The following GALNT9 variants were observed in gnomAD, a reference collection of about 807,000 sequenced individuals.
The protein encoded by GALNT9 is GalNAc transferase 9.
Under a neutral mutation model 63.1 loss-of-function variants are expected in GALNT9, and 47 were observed. That is an observed-to-expected ratio of 0.75 (90% CI 0.59 to 0.95). The LOEUF is 0.95. Ranked by LOEUF, GALNT9 falls within the 40% of genes least tolerant of loss-of-function variation. The probability of loss-of-function intolerance (pLI) is 0.00; values close to 1 mark genes in which losing one functional copy is unlikely to be tolerated. For missense variants in GALNT9, 829 were observed against 874.8 expected (o/e 0.95, Z 0.66); for synonymous variants, 396 against 365.7 (o/e 1.08, Z -0.94).
chr12:132,265,116 A>G lies in GALNT9; in HGVS notation c.420-2491T>C, dbSNP rs1363658999. Among the ~76,000 whole-genome samples, 2 of 152,216 alleles carry G rather than the reference A, an allele frequency of 1.3e-5. No individual in the cohort carries two copies. The highest frequency in any genetic ancestry group is 2.9e-5 in the Non-Finnish European group (2 of 68,030). On this transcript the variant is annotated intron_variant, in intron 2 of 10. Coordinates refer to ENST00000328957, the MANE Select transcript of GALNT9 (RefSeq NM_001122636.2). The surrounding 1 kb of genome is among the most constrained non-coding windows in gnomAD (Gnocchi z 5.3). The stretch of plus-strand genomic sequence containing the variant: ...CTCTTCCAAATCTCGCTTTTCTGCA[A>G]GGCTCAACCCAGCCCCAAGAAAAAG...
At chr12:132,295,675 A>G (rs1335323117) in intron 1 of GALNT9, among the ~76,000 whole-genome samples, 1 of 152,244 alleles carries the variant, frequency 6.6e-6, no homozygotes, top group Admixed American at 6.5e-5. Flanking sequence ...CCTGGAGACT[A>G]TGGAGGGAGC....
At chr12:132,293,286 G>A (rs539244814) in intron 1 of GALNT9, among the ~76,000 whole-genome samples, 2 of 152,348 alleles carry the variant, frequency 1.3e-5, no homozygotes, top group African/African-American at 2.4e-5. Flanking sequence ...TAGAGACACC[G>A]TGGATGCTGA....
chr12:132,215,786 G>A (rs1485642560), intron 6 of GALNT9, among the ~76,000 whole-genome samples: 2 of 152,188 alleles, frequency 1.3e-5, no homozygotes, highest in East Asian at 3.9e-4. Flanking sequence ...ATGGCCACAT[G>A]GGACCCAGCA....
At chr12:132,290,489 CAGG>C (rs1190179168) in intron 1 of GALNT9, among the ~76,000 whole-genome samples, 3 of 152,148 alleles carry the variant, frequency 2.0e-5, no homozygotes, top group Non-Finnish European at 4.4e-5. Flanking sequence ...ATAGACAGCA[CAGG>C]AGGAGGAAGC....
At chr12:132,222,251 C>T (rs972712355) in intron 6 of GALNT9, among the ~76,000 whole-genome samples, 1 of 152,126 alleles carries the variant, frequency 6.6e-6, no homozygotes, top group Non-Finnish European at 1.5e-5. Context: ...ACAGGCTTCC[C>T]TAAGAACGAC....
At chr12:132,270,644 C>A (rs994717598) in intron 2 of GALNT9, among the ~76,000 whole-genome samples, 25 of 152,218 alleles carry the variant, frequency 1.6e-4, no homozygotes, top group Non-Finnish European at 3.5e-4. Context: ...GTGGAGCTGT[C>A]GGCCGTCATC....
At chr12:132,303,459 G>T (rs797024070) in intron 1 of GALNT9, among the ~76,000 whole-genome samples, 5 of 41,224 alleles carry the variant, frequency 1.2e-4, no homozygotes, top group East Asian at 8.2e-4. Flanking sequence ...GCACACCCTC[G>T]CCCGGACACA....
rs760851759 is a variant in GALNT9 at position 132,201,237 on chromosome 12, C to T, written c.1288G>A (p.Val430Met). ...MSNPGVDFGD[V>M]SERLALRQRL... ...TGACGCAGGGCCAGCCTCTCAGACACGTCCCCGAAGTCCACCCCTGGGTTC... is the reference window on the plus strand; with the variant it reads ...TGACGCAGGGCCAGCCTCTCAGACATGTCCCCGAAGTCCACCCCTGGGTTC... The change falls in exon 8 of 11, where the codon GTG (valine) becomes ATG (methionine). Residue 430 changes from valine to methionine, a missense_variant. Transcript: ENST00000328957. 2.5e-6 allele frequency: 4 copies of T among 1,613,344 alleles called. No homozygotes were observed. The highest frequency in any genetic ancestry group is 3.4e-6 in the Non-Finnish European group (4 of 1,179,416).
chr12:132,270,519 T>C (rs1555240638), intron 2 of GALNT9, among the ~76,000 whole-genome samples: 1 of 152,226 alleles, frequency 6.6e-6, no homozygotes, highest in Non-Finnish European at 1.5e-5. Flanking sequence ...CGTTAGCTCT[T>C]GCGTACATAA....
intron 6 of GALNT9, among the ~76,000 whole-genome samples, chr12:132,237,138 G>A (rs952090557): frequency 1.3e-5 from 2 of 152,098 alleles, no homozygotes; most frequent in Non-Finnish European, 2.9e-5. Flanking sequence ...AGGCTGTGCA[G>A]GCAGTGTGGG....
intron 6 of GALNT9, among the ~76,000 whole-genome samples, chr12:132,204,454 C>A (rs998853590): frequency 6.6e-6 from 1 of 152,118 alleles, no homozygotes; most frequent in Non-Finnish European, 1.5e-5. Flanking sequence ...TTAAATCTGT[C>A]CCCTACAGGC....
At chr12:132,284,290 C>G in intron 2 of GALNT9, 1 of 151,508 alleles carries the variant, frequency 6.6e-6, no homozygotes, top group East Asian at 1.9e-4. Context: ...CCCACACCCA[C>G]CCGCACACAA....
rs558708004 is a variant in GALNT9 at position 132,245,904 on chromosome 12, C to T, written c.1077+2006G>A. Among the ~76,000 whole-genome samples, 2 of 152,302 alleles carry T rather than the reference C, an allele frequency of 1.3e-5. No individual in the cohort carries two copies. The highest frequency in any genetic ancestry group is 2.9e-5 in the Non-Finnish European group (2 of 68,014). On this transcript the variant is annotated intron_variant, in intron 6 of 10. Transcript: ENST00000328957. The surrounding 1 kb of genome is among the most constrained non-coding windows in gnomAD (Gnocchi z 6.3). ...TCCCCAGGACCACATCTGCTGGGTG[C>T]CCTCCACCCCAGGGGTCCCGTCCTC... is the stretch of plus-strand genomic sequence containing the variant.
intron 9 of GALNT9, 106 bp from the exon 10 acceptor site, chr12:132,198,065 C>A (rs528308145): frequency 2.1e-6 from 2 of 967,150 alleles, no homozygotes; most frequent in Admixed American, 4.9e-5. Flanking sequence ...GGGCCCTGCG[C>A]GGCTGCCTTG....
At chr12:132,299,175 T>G (rs1315209877) in intron 1 of GALNT9, among the ~76,000 whole-genome samples, 11 of 123,514 alleles carry the variant, frequency 8.9e-5, no homozygotes, top group Admixed American at 6.8e-4. Context: ...AACCCACCCC[T>G]GAGATAACCA....
chr12:132,211,806 C>A (rs890846146), intron 6 of GALNT9, among the ~76,000 whole-genome samples: 2 of 152,172 alleles, frequency 1.3e-5, no homozygotes, highest in Non-Finnish European at 2.9e-5. Context: ...CCAGCCAGCA[C>A]CTGAGGCAGC....
chr12:132,213,142 TCTGCAGCCCTCAGACCTC>T (rs1877028096), intron 6 of GALNT9, among the ~76,000 whole-genome samples: 1 of 27,898 alleles, frequency 3.6e-5, no homozygotes, highest in Admixed American at 3.4e-4. Context: ...CCCACCCGGG[TCTGCAGCCCTCAGACCTC>T]GACACGGAAA....
At chr12:132,323,615 C>G (rs1868899434) in intron 1 of GALNT9, among the ~76,000 whole-genome samples, 1 of 152,244 alleles carries the variant, frequency 6.6e-6, no homozygotes, top group South Asian at 2.1e-4. Context: ...TCGTTCATCT[C>G]AGCCAGGAAA....
chr12:132,321,794 C>A (rs1195413572), intron 1 of GALNT9, among the ~76,000 whole-genome samples: 1 of 152,018 alleles, frequency 6.6e-6, no homozygotes, highest in South Asian at 2.1e-4. Flanking sequence ...CCCTCACACA[C>A]CTGTCCCCTC....
Sources: allele counts gnomAD v4.1 joint callset (sites outside exome capture counted in the v4.1 genomes callset), GRCh38; gene constraint gnomAD v4.1.1; non-coding constraint Gnocchi (gnomAD v3.1); transcripts MANE v1.5; gene names NCBI Gene and HGNC (gene_info 2026-07-23, HGNC 2026-07-21).